The following SLC23A1 variants were observed in gnomAD, a reference collection of about 807,000 sequenced individuals.
SLC23A1 encodes the protein solute carrier family 23 member 1, also known as Na(+)/L-ascorbic acid transporter 1.
A neutral mutation model predicts 62.5 loss-of-function variants in SLC23A1; 31 were observed. That is an observed-to-expected ratio of 0.50 (90% CI 0.37 to 0.67). SLC23A1 has a LOEUF of 0.67. SLC23A1 is among the 30% of genes least tolerant of loss of function. The probability of loss-of-function intolerance (pLI) is 0.00; values close to 1 mark genes in which losing one functional copy is unlikely to be tolerated. For missense variants in SLC23A1, 640 were observed against 782.7 expected (o/e 0.82, Z 2.18); for synonymous variants, 271 against 313.2 (o/e 0.87, Z 1.42).
chr5:139,383,169 C>A, intron 1 of SLC23A1, 49 bp downstream of exon 1: 1 of 226,452 alleles, frequency 4.4e-6, no homozygotes, highest in Non-Finnish European at 7.2e-6. Context: ...GGCCCTCCAG[C>A]CCCCCACCCC....
At chr5:139,383,541 G>A (rs1416814523), upstream of SLC23A1, among the ~76,000 whole-genome samples, 1 of 152,220 alleles carries the variant, frequency 6.6e-6, no homozygotes, top group Non-Finnish European at 1.5e-5. Flanking sequence ...AGTCGAGGGG[G>A]TGAGGACCAG....
chr5:139,381,986 C>T lies in SLC23A1; in HGVS notation c.214G>A (p.Val72Met). The change falls in exon 3 of 15, where the codon GTG (valine) becomes ATG (methionine). Residue 72 changes from valine to methionine, a missense_variant. Transcript: ENST00000348729. ...CTAACCATGTGCTGGTCGTGGCCCA[C>T]ACACAGCGCCTCAGCCAGCAGGAAG... Reference protein sequence around the residue: ...VPFLLAEALCVGHDQHMVSQL... With the variant: ...VPFLLAEALCMGHDQHMVSQL... The T allele has an allele frequency of 6.2e-7, 1 of 1,604,544 alleles. No homozygotes were observed. The highest frequency in any genetic ancestry group is 8.5e-7 in the Non-Finnish European group (1 of 1,175,662).
At chr5:139,376,819 G>A (rs1415810303) in intron 13 of SLC23A1, among the ~76,000 whole-genome samples, 1 of 152,136 alleles carries the variant, frequency 6.6e-6, no homozygotes, top group Non-Finnish European at 1.5e-5. Flanking sequence ...TCAGCCCAGT[G>A]GCTATTAAGA....
Position 139,377,428 on chromosome 5 carries a change from G to T in SLC23A1, c.1523C>A (p.Ala508Asp). ...TGGCACTGTGTTGTCAAGTATGAAAGCAAGGCACCCGCCCACAAACATCTC... is the reference window on the plus strand; with the variant it reads ...TGGCACTGTGTTGTCAAGTATGAAATCAAGGCACCCGCCCACAAACATCTC... ...TTEMFVGGCL[A>D]FILDNTVPGS... Residue 508 changes from alanine (A) to aspartate (D), a missense_variant, in exon 13 of 15, where the codon GCT becomes GAT. By Grantham distance (126) the Ala-to-Asp change is moderately radical (BLOSUM62 -2). Coordinates refer to ENST00000348729, the MANE Select transcript of SLC23A1 (RefSeq NM_005847.5). 6.2e-7 allele frequency: 1 copy of T among 1,607,530 alleles called. No homozygotes were observed. Among genetic ancestry groups the T allele is most frequent in the Non-Finnish European group, 8.5e-7 (1 of 1,173,952 alleles).
chr5:139,384,910 G>C (rs536249400), upstream of SLC23A1, among the ~76,000 whole-genome samples: 35 of 152,310 alleles, frequency 2.3e-4, no homozygotes, highest in African/African-American at 8.2e-4. Flanking sequence ...GGCCACGGAT[G>C]GTGGGGCTTC....
chr5:139,370,656 T>C (rs1309608628), intron 14 of SLC23A1, among the ~76,000 whole-genome samples: 1 of 151,920 alleles, frequency 6.6e-6, no homozygotes, highest in Non-Finnish European at 1.5e-5. Flanking sequence ...CACGCCTGGC[T>C]AATTTTTGTA....
Position 139,378,181 on chromosome 5 carries a change from G to A in SLC23A1, c.1309+41C>T. Reference sequence around the variant, plus strand: ...GCGTAATCCAGGTGAGTCCCACTCGGCGACCCGCACCGCGACCCGTGGCCC... The same window carrying A: ...GCGTAATCCAGGTGAGTCCCACTCGACGACCCGCACCGCGACCCGTGGCCC... On this transcript the variant is annotated intron_variant, in intron 11 of 14. Coordinates refer to ENST00000348729, the MANE Select transcript of SLC23A1 (RefSeq NM_005847.5). The surrounding 1 kb of genome is among the most constrained non-coding windows in gnomAD (Gnocchi z 4.5). 6.2e-7 allele frequency: 1 copy of A among 1,613,012 alleles called. No homozygotes were observed. Among genetic ancestry groups the A allele is most frequent in the Non-Finnish European group, 8.5e-7 (1 of 1,179,500 alleles).
Position 139,377,563 on chromosome 5 carries a change from C to T in SLC23A1, c.1454-66G>A, listed in dbSNP as rs558691583. ...TCTGGAGAGCAGAGTTGAGGGACTT[C>T]CTCTTGTGCAGCTATGGCAAAGGAA... On this transcript the variant is annotated intron_variant, in intron 12 of 14. Transcript: ENST00000348729. 1.9e-4 allele frequency: 165 copies of T among 851,882 alleles called. 1 individual carries two copies. In the South Asian group the frequency reaches 2.1e-3, roughly 11 times the overall value. 52.8% of individuals were successfully genotyped at this position (851,882 alleles called of 1,614,324 possible).
In SLC23A1 at chr5:139,383,285, G is replaced by A. The variant is rs2152073953; in HGVS notation, c.-32C>T. On this transcript the variant is annotated 5_prime_UTR_variant, in exon 1 of 15. Coordinates refer to ENST00000348729, the MANE Select transcript of SLC23A1 (RefSeq NM_005847.5). ...GGCACAGGTTTGAGCAGTTCCTGAG[G>A]AGAAGAGGGGATGACTTGACAAAGG... is the stretch of plus-strand genomic sequence containing the variant. 3 of 1,606,324 alleles carry A rather than the reference G, an allele frequency of 1.9e-6. No individual in the cohort carries two copies. Among genetic ancestry groups the A allele is most frequent in the South Asian group, 2.2e-5 (2 of 89,366 alleles).
At chr5:139,382,647 G>C (rs1758334898) in intron 1 of SLC23A1, 42 bp from the exon 2 acceptor site, 1 of 1,244,190 alleles carries the variant, frequency 8.0e-7, no homozygotes, top group East Asian at 2.4e-5. Flanking sequence ...GAAGTGATGG[G>C]GACAGGCAAA....
chr5:139,379,257 G>C lies in SLC23A1; in HGVS notation c.1023C>G (p.Ala341=), dbSNP rs1406572302. 2 of 1,614,086 alleles carry C rather than the reference G, an allele frequency of 1.2e-6. No homozygotes were observed. The highest frequency in any genetic ancestry group is 2.7e-5 in the African/African-American group (2 of 74,934). ...GIIESIGDYY[A]CARLAGAPPP... is the part of the protein sequence containing the mutation. ...GTGGTGCACCAGCCAGGCGGGCACA[G>C]GCGTAGTAATCTCCGATGGACTCAA... Residue 341 remains alanine (A), a synonymous_variant, in exon 9 of 15, where the codon GCC becomes GCG. Transcript: ENST00000348729. This position sits in a 1 kb window ranked among gnomAD's most constrained non-coding sequence, Gnocchi z 4.7.
Position 139,379,501 on chromosome 5 carries a change from T to G in SLC23A1, c.926-147A>C, listed in dbSNP as rs1450582986. On this transcript the variant is annotated intron_variant, in intron 8 of 14. Transcript: ENST00000348729. The surrounding 1 kb of genome is among the most constrained non-coding windows in gnomAD (Gnocchi z 4.7). ...ATACAGTTGTGGGAGCTTATTTGAG[T>G]CACTCAGAGCCAGGAAGTGGGACTG... The G allele has an allele frequency of 2.9e-6, 3 of 1,028,792 alleles. No homozygotes were observed. The highest frequency in any genetic ancestry group is 4.5e-6 in the Non-Finnish European group (3 of 670,922). 63.7% of individuals were successfully genotyped at this position (1,028,792 alleles called of 1,614,324 possible).
At chr5:139,372,433 A>G (rs1757718875) in intron 13 of SLC23A1, among the ~76,000 whole-genome samples, 180 bp from the exon 14 acceptor site, 1 of 152,220 alleles carries the variant, frequency 6.6e-6, no homozygotes, top group Non-Finnish European at 1.5e-5. Context: ...GCTCTAAGGA[A>G]CACTAAAGGA....
Position 139,371,995 on chromosome 5 carries a change from G to T in SLC23A1, c.*11C>A, listed in dbSNP as rs559445280. ...CCATAGACACATCCTACCTTTCCTG[G>T]AAGTCATTTTTCAGACCTTGGTGCA... On this transcript the variant is annotated 3_prime_UTR_variant, in exon 14 of 15. Coordinates refer to ENST00000348729, the MANE Select transcript of SLC23A1 (RefSeq NM_005847.5). 6.2e-7 allele frequency: 1 copy of T among 1,611,728 alleles called. No homozygotes were observed. Among genetic ancestry groups the T allele is most frequent in the African/African-American group, 1.3e-5 (1 of 74,752 alleles).
intron 14 of SLC23A1, among the ~76,000 whole-genome samples, chr5:139,367,839 T>C (rs970328255): frequency 2.6e-5 from 4 of 152,230 alleles, no homozygotes; most frequent in Non-Finnish European, 4.4e-5. Context: ...CTTTAACTTA[T>C]GTGAAGTTAC....
chr5:139,376,986 G>A (rs530436733), intron 13 of SLC23A1, among the ~76,000 whole-genome samples: 150 of 152,214 alleles, frequency 9.9e-4, no homozygotes, highest in Admixed American at 2.7e-3. Context: ...GCTGGGCGTG[G>A]TGGCAGCCAC....
rs2152071138 is a variant in SLC23A1 at position 139,380,135 on chromosome 5, G to A, written c.648-59C>T. On this transcript the variant is annotated intron_variant, in intron 6 of 14. Coordinates refer to ENST00000348729, the MANE Select transcript of SLC23A1 (RefSeq NM_005847.5). ...GAGGCCAGGCTGGGGCCAGGAGCCGGGAAGAAGGACCAAGGACATGAAGAG... is the reference window on the plus strand; with the variant it reads ...GAGGCCAGGCTGGGGCCAGGAGCCGAGAAGAAGGACCAAGGACATGAAGAG... 13 of 1,570,408 alleles carry A rather than the reference G, an allele frequency of 8.3e-6. No individual in the cohort carries two copies. The South Asian group carries it at 9.3e-5, about 11-fold the overall frequency.
Position 139,367,418 on chromosome 5 carries a change from G to A in SLC23A1, c.*233C>T, listed in dbSNP as rs963521075. 3 of 152,062 alleles carry A rather than the reference G, an allele frequency of 2.0e-5. No individual in the cohort carries two copies. The highest frequency in any genetic ancestry group is 7.2e-5 in the African/African-American group (3 of 41,390). The allele number at this position is 152,062 out of a possible 1,614,324, so 9.4% of individuals were successfully genotyped here. ...CTACTTAGGAGAGTAAAGATTTAGA[G>A]ACATAGCATAACATTGGTACAAGTC... On this transcript the variant is annotated 3_prime_UTR_variant, in exon 15 of 15. Transcript: ENST00000348729.
rs1758079927 is a variant in SLC23A1, at chr5:139,378,740, C to A, written c.1074-56G>T. Reference sequence around the variant, plus strand: ...CCAGCCTCTGCACCAGTCTGTGTTCCCCCATCATCTTAGCAAGCTGCCGTC... The same window carrying A: ...CCAGCCTCTGCACCAGTCTGTGTTCACCCATCATCTTAGCAAGCTGCCGTC... On this transcript the variant is annotated intron_variant, in intron 9 of 14. Transcript: ENST00000348729. The surrounding 1 kb of genome is among the most constrained non-coding windows in gnomAD (Gnocchi z 4.5). 2 of 1,319,274 alleles carry A rather than the reference C, an allele frequency of 1.5e-6. No individual in the cohort carries two copies. Among genetic ancestry groups the A allele is most frequent in the Non-Finnish European group, 2.1e-6 (2 of 933,200 alleles). The allele number at this position is 1,319,274 out of a possible 1,614,324, so 81.7% of individuals were successfully genotyped here.
Sources: allele counts gnomAD v4.1 joint callset (sites outside exome capture counted in the v4.1 genomes callset), GRCh38; gene constraint gnomAD v4.1.1; non-coding constraint Gnocchi (gnomAD v3.1); transcripts MANE v1.5; gene names NCBI Gene and HGNC (gene_info 2026-07-23, HGNC 2026-07-21).